The following DNAJB6 variants were observed in gnomAD, a reference collection of about 807,000 sequenced individuals.
The protein encoded by DNAJB6 is dnaJ homolog subfamily B member 6.
Under a neutral mutation model 42.7 loss-of-function variants are expected in DNAJB6, and 16 were observed. The ratio of observed to expected loss-of-function variants is 0.37; its 90% CI spans 0.25 to 0.57. The LOEUF (loss-of-function observed/expected upper bound fraction) is 0.57. Among genes scored for constraint, DNAJB6 ranks in the 20% least tolerant of loss-of-function variants. DNAJB6 has a pLI of 0.74. For missense variants in DNAJB6, 347 were observed against 416.8 expected (o/e 0.83, Z 1.46); for synonymous variants, 170 against 163.5 (o/e 1.04, Z -0.30).
At chr7:157,363,466 G>A (rs1481341365) in intron 3 of DNAJB6, among the ~76,000 whole-genome samples, 196 bp downstream of exon 3, 1 of 152,136 alleles carries the variant, frequency 6.6e-6, no homozygotes, top group Non-Finnish European at 1.5e-5. Flanking sequence ...ACGAGTGCTG[G>A]GGAGCTCCAG....
intron 5 of DNAJB6, among the ~76,000 whole-genome samples, chr7:157,369,773 G>GA (rs1800050410): frequency 1.4e-5 from 2 of 144,162 alleles, no homozygotes. Flanking sequence ...TATTAAACAG[G>GA]CCTTTCATAA....
At chr7:157,397,412 G>T (rs994375618) in intron 8 of DNAJB6, among the ~76,000 whole-genome samples, 1 of 152,200 alleles carries the variant, frequency 6.6e-6, no homozygotes, top group Admixed American at 6.5e-5. Flanking sequence ...GTGTCGCTGC[G>T]GTGGTGTGTT....
intron 8 of DNAJB6, among the ~76,000 whole-genome samples, chr7:157,409,380 C>G (rs2240986): frequency 6.6e-6 from 1 of 152,078 alleles, no homozygotes; most frequent in Non-Finnish European, 1.5e-5. Context: ...GGATGTCTTC[C>G]GTGTATGGAC....
chr7:157,371,556 C>T (rs372880199), intron 5 of DNAJB6, among the ~76,000 whole-genome samples: 2 of 152,364 alleles, frequency 1.3e-5, no homozygotes, highest in African/African-American at 2.4e-5. Context: ...GTCGCGGAGG[C>T]GGATTCTAAC....
intron 1 of DNAJB6, among the ~76,000 whole-genome samples, chr7:157,353,023 A>G (rs1799074617): frequency 6.6e-6 from 1 of 152,150 alleles, no homozygotes; most frequent in South Asian, 2.1e-4. Context: ...AATTCAATTC[A>G]GTCAATTCAC....
intron 1 of DNAJB6, among the ~76,000 whole-genome samples, chr7:157,348,410 C>T (rs926298487): frequency 1.3e-5 from 2 of 152,084 alleles, no homozygotes; most frequent in East Asian, 3.9e-4. Context: ...TTTAATATTG[C>T]CATATTTTAA....
chr7:157,364,695 A>G (rs901817274), intron 3 of DNAJB6, among the ~76,000 whole-genome samples: 8 of 152,208 alleles, frequency 5.3e-5, no homozygotes, highest in African/African-American at 1.4e-4. Context: ...GACTAGTAAC[A>G]TTAGGAAAAG....
At chr7:157,345,296 A>G (rs1798625341) in intron 1 of DNAJB6, among the ~76,000 whole-genome samples, 1 of 151,932 alleles carries the variant, frequency 6.6e-6, no homozygotes, top group Admixed American at 6.6e-5. Context: ...GCCTGGCTTA[A>G]AATTTTTATT....
At chr7:157,395,674 TTTTTC>T (rs1296346637) in intron 8 of DNAJB6, among the ~76,000 whole-genome samples, 3 of 151,552 alleles carry the variant, frequency 2.0e-5, no homozygotes, top group African/African-American at 2.4e-5. Flanking sequence ...CATTCTACGT[TTTTTC>T]TTTTCTTTTT....
chr7:157,400,445 C>G (rs1450010825), intron 8 of DNAJB6, among the ~76,000 whole-genome samples: 1 of 152,222 alleles, frequency 6.6e-6, no homozygotes, highest in Non-Finnish European at 1.5e-5. Flanking sequence ...GAGCTCTTCT[C>G]CTTGGTGTGG....
At chr7:157,347,991 AC>A (rs1798774255) in intron 1 of DNAJB6, among the ~76,000 whole-genome samples, 2 of 149,830 alleles carry the variant, frequency 1.3e-5, no homozygotes, top group Non-Finnish European at 3.0e-5. Context: ...AGATGGTGTT[AC>A]GTCATGTTGG....
At chr7:157,351,242 G>A (rs1798955841) in intron 1 of DNAJB6, among the ~76,000 whole-genome samples, 1 of 152,002 alleles carries the variant, frequency 6.6e-6, no homozygotes, top group Non-Finnish European at 1.5e-5. Flanking sequence ...TTTTTGTTCT[G>A]AGTCTTTGAA....
chr7:157,381,969 C>T (rs1336435937), intron 5 of DNAJB6: 3 of 236,680 alleles, frequency 1.3e-5, no homozygotes, highest in Non-Finnish European at 1.6e-5. Context: ...GCATATTGGT[C>T]CTCCATAAAG....
At chr7:157,382,173 T>G in intron 5 of DNAJB6, 73 bp from the exon 6 acceptor site, 14 of 1,482,544 alleles carry the variant, frequency 9.4e-6, no homozygotes, top group Non-Finnish European at 1.3e-5. Flanking sequence ...CTATTTTCTC[T>G]TACTGTAGCT....
chr7:157,370,480 G>A (rs975422063), intron 5 of DNAJB6, among the ~76,000 whole-genome samples: 1 of 152,264 alleles, frequency 6.6e-6, no homozygotes, highest in South Asian at 2.1e-4. Flanking sequence ...AAAGGGGAAG[G>A]GTCCCTTAGT....
At chr7:157,414,309 G>A (rs1796055575) in intron 9 of DNAJB6, 3 of 152,314 alleles carry the variant, frequency 2.0e-5, no homozygotes, top group Non-Finnish European at 4.4e-5. Flanking sequence ...TGGGTCCCGG[G>A]GCACGAGGCT....
rs183388200 is a variant in DNAJB6, at chr7:157,416,451, G to A, written c.*353G>A. 236 of 237,710 alleles carry A rather than the reference G, an allele frequency of 9.9e-4. No individual in the cohort carries two copies. The highest frequency in any genetic ancestry group is 4.9e-3 in the African/African-American group (219 of 45,012). 14.7% of individuals were successfully genotyped at this position (237,710 alleles called of 1,614,324 possible). The stretch of plus-strand genomic sequence containing the variant: ...GGCTTTAGAAGTACAGGAGGGCGCA[G>A]ATGGCTAACTGAGTAACATTCATGA... On this transcript the variant is annotated 3_prime_UTR_variant, in exon 10 of 10. Coordinates refer to ENST00000262177, the MANE Select transcript of DNAJB6 (RefSeq NM_058246.4).
chr7:157,356,341 C>T (rs904564782), intron 1 of DNAJB6, among the ~76,000 whole-genome samples: 1 of 152,342 alleles, frequency 6.6e-6, no homozygotes, highest in African/African-American at 2.4e-5. Flanking sequence ...CGCTGGCTTT[C>T]CTGCTGCTTG....
At chr7:157,376,094 G>C (rs111295495) in intron 5 of DNAJB6, among the ~76,000 whole-genome samples, 156 of 152,262 alleles carry the variant, frequency 1.0e-3, no homozygotes, top group African/African-American at 3.5e-3. Context: ...GAATCCCTTC[G>C]CTTCGTTGTG....
Sources: allele counts gnomAD v4.1 joint callset (sites outside exome capture counted in the v4.1 genomes callset), GRCh38; gene constraint gnomAD v4.1.1; transcripts MANE v1.5; gene names NCBI Gene and HGNC (gene_info 2026-07-23, HGNC 2026-07-21).